NAALADL2: variants seen among roughly 807,000 people sequenced by gnomAD.
NAALADL2 encodes the protein N-acetylated alpha-linked acidic dipeptidase like 2.
A neutral mutation model predicts 87.2 loss-of-function variants in NAALADL2; 76 were observed. The observed-to-expected ratio is 0.87, with a 90% confidence interval of 0.72 to 1.05. The LOEUF is 1.05. Among genes scored for constraint, NAALADL2 ranks in the 50% least tolerant of loss-of-function variants. The probability of loss-of-function intolerance (pLI) is 0.00; values close to 1 mark genes in which losing one functional copy is unlikely to be tolerated. For synonymous variants in NAALADL2, 354 were observed against 331.0 expected, an observed-to-expected ratio of 1.07 and a Z score of -0.75; for missense variants, 1,089 against 945.8, an observed-to-expected ratio of 1.15 and a Z score of -1.99.
At chr3:174,826,061 C>G (rs1299339568) in intron 3 of NAALADL2, among the ~76,000 whole-genome samples, 2 of 151,776 alleles carry the variant, frequency 1.3e-5, no homozygotes, top group Non-Finnish European at 2.9e-5. Context: ...ACGACAACAA[C>G]AACAACAACA....
chr3:174,844,753 T>C (rs1364033415), intron 3 of NAALADL2, among the ~76,000 whole-genome samples: 1 of 151,670 alleles, frequency 6.6e-6, no homozygotes, highest in Non-Finnish European at 1.5e-5. Context: ...TAGTCTGTTA[T>C]TGGCATATAT....
At chr3:175,188,387 C>G (rs1186431465) in intron 2 of NAALADL2, among the ~76,000 whole-genome samples, 5 of 152,118 alleles carry the variant, frequency 3.3e-5, no homozygotes, top group Non-Finnish European at 7.3e-5. Flanking sequence ...ACACCCCACC[C>G]CCGTGAGGGC....
intron 5 of NAALADL2, among the ~76,000 whole-genome samples, chr3:175,379,470 A>T (rs1445858031): frequency 6.6e-6 from 1 of 151,666 alleles, no homozygotes; most frequent in Non-Finnish European, 1.5e-5. Flanking sequence ...ATTTTGACTT[A>T]GTCTGTTTTT....
intron 10 of NAALADL2, among the ~76,000 whole-genome samples, chr3:175,623,502 G>A (rs1488148730): frequency 2.6e-5 from 4 of 152,024 alleles, no homozygotes; most frequent in Non-Finnish European, 5.9e-5. Flanking sequence ...CTTAGAACCT[G>A]TTAATGTGAA....
intron 9 of NAALADL2, among the ~76,000 whole-genome samples, chr3:175,488,817 G>T (rs1214044774): frequency 2.0e-5 from 3 of 152,142 alleles, no homozygotes; most frequent in Non-Finnish European, 4.4e-5. Context: ...GGACATCCCC[G>T]GCTTGACTAG....
chr3:174,881,728 A>T (rs1291653762), intron 1 of NAALADL2, among the ~76,000 whole-genome samples: 1 of 152,094 alleles, frequency 6.6e-6, no homozygotes, highest in African/African-American at 2.4e-5. Context: ...AGTCACTGGC[A>T]TATAGTAGGT....
At chr3:175,211,333 G>A (rs1381532625) in intron 2 of NAALADL2, among the ~76,000 whole-genome samples, 1 of 151,828 alleles carries the variant, frequency 6.6e-6, no homozygotes, top group African/African-American at 2.4e-5. Context: ...AAATAGTGTA[G>A]GTTTCCAGGG....
In NAALADL2 at chr3:175,121,313, G is replaced by A. The variant is rs147062471; in HGVS notation, c.545+24022G>A. On this transcript the variant is annotated intron_variant, in intron 2 of 13. Transcript: ENST00000454872. ...TCTTGGGCTTTAACAAACAATATATGCAACTGATTAAACATTCAAGCTTAC... is the reference window on the plus strand; with the variant it reads ...TCTTGGGCTTTAACAAACAATATATACAACTGATTAAACATTCAAGCTTAC... Among the ~76,000 whole-genome samples, 64 of 151,912 alleles carry A rather than the reference G, an allele frequency of 4.2e-4. No individual in the cohort carries two copies. In the East Asian group the frequency reaches 0.012, roughly 29 times the overall value.
intron 2 of NAALADL2, among the ~76,000 whole-genome samples, chr3:174,570,027 C>T (rs1714744374): frequency 6.6e-6 from 1 of 152,114 alleles, no homozygotes; most frequent in Non-Finnish European, 1.5e-5. Flanking sequence ...TTCTTCAACT[C>T]TGTGAGACTT....
intron 2 of NAALADL2, among the ~76,000 whole-genome samples, chr3:174,641,035 A>G (rs1234187446): frequency 6.6e-6 from 1 of 152,142 alleles, no homozygotes; most frequent in Non-Finnish European, 1.5e-5. Flanking sequence ...AGGCAAACCC[A>G]GGGGCTGGTG....
intron 1 of NAALADL2, among the ~76,000 whole-genome samples, chr3:175,019,309 A>G (rs184295589): frequency 1.3e-5 from 2 of 152,104 alleles, no homozygotes; most frequent in East Asian, 3.9e-4. Context: ...TTATTAAGAA[A>G]ATTATAATCC....
intron 3 of NAALADL2, among the ~76,000 whole-genome samples, chr3:175,250,169 TA>T (rs746924726): frequency 0.013 from 1,580 of 124,650 alleles, 21 homozygotes; most frequent in African/African-American, 0.036. Context: ...AATTCGGTCT[TA>T]AAAAAAAAAA....
intron 2 of NAALADL2, among the ~76,000 whole-genome samples, chr3:174,684,152 C>T (rs902963646): frequency 2.0e-5 from 3 of 151,818 alleles, no homozygotes; most frequent in African/African-American, 7.2e-5. Context: ...ATTTTTCTCT[C>T]TAATATTAAA....
chr3:174,947,854 C>A (rs1370023698), intron 1 of NAALADL2, among the ~76,000 whole-genome samples: 1 of 152,022 alleles, frequency 6.6e-6, no homozygotes, highest in Non-Finnish European at 1.5e-5. Context: ...CAAAGACTTG[C>A]ACTGAGCTTT....
At chr3:174,604,591 G>T (rs1444312562) in intron 2 of NAALADL2, among the ~76,000 whole-genome samples, 2 of 151,734 alleles carry the variant, frequency 1.3e-5, no homozygotes, top group Non-Finnish European at 2.9e-5. Context: ...ATAAGCAAGG[G>T]CTTATTCCTG....
At chr3:174,863,588 A>AG (rs1726781688) in intron 1 of NAALADL2, among the ~76,000 whole-genome samples, 1 of 151,844 alleles carries the variant, frequency 6.6e-6, no homozygotes, top group Non-Finnish European at 1.5e-5. Context: ...GAAAAAAAAA[A>AG]CAACTCTAGG....
At chr3:174,510,168 A>G (rs1241855051) in intron 1 of NAALADL2, among the ~76,000 whole-genome samples, 1 of 152,148 alleles carries the variant, frequency 6.6e-6, no homozygotes, top group African/African-American at 2.4e-5. Context: ...TATGTCTGTG[A>G]TCATAAGAGA....
intron 2 of NAALADL2, among the ~76,000 whole-genome samples, chr3:174,705,628 CA>C (rs571798103): frequency 1.3e-5 from 2 of 151,772 alleles, no homozygotes; most frequent in South Asian, 2.1e-4. Context: ...ACTAAAAATA[CA>C]AAAATTAGCC....
chr3:175,432,506 C>A (rs936987109), intron 5 of NAALADL2, among the ~76,000 whole-genome samples: 5 of 152,096 alleles, frequency 3.3e-5, no homozygotes, highest in African/African-American at 9.6e-5. Flanking sequence ...TAATTTTAGT[C>A]TTAATCAACA....
Sources: allele counts gnomAD v4.1 joint callset (sites outside exome capture counted in the v4.1 genomes callset), GRCh38; gene constraint gnomAD v4.1.1; transcripts MANE v1.5; gene names NCBI Gene and HGNC (gene_info 2026-07-23, HGNC 2026-07-21).